Variants in ROBO2 observed in about 807,000 individuals in gnomAD.
ROBO2 encodes the protein roundabout guidance receptor 2.
ROBO2 carries 53 observed loss-of-function variants against 160.8 expected under a neutral mutation model. The observed-to-expected ratio is 0.33, with a 90% CI of 0.26 to 0.41. The LOEUF (loss-of-function observed/expected upper bound fraction) is 0.41, where lower values mean the gene tolerates loss of function less well. ROBO2 is among the 10% of genes least tolerant of loss of function. The pLI is 1.00. For missense variants in ROBO2, 1,577 were observed against 1,722.4 expected (o/e 0.92, Z 1.49); for synonymous variants, 664 against 611.7 (o/e 1.09, Z -1.26).
intron 2 of ROBO2, among the ~76,000 whole-genome samples, chr3:76,496,059 C>G (rs912560860): frequency 6.6e-6 from 1 of 152,188 alleles, no homozygotes; most frequent in Middle Eastern, 3.2e-3. Flanking sequence ...CATGACTGAG[C>G]AAACTCCTTT....
At chr3:75,981,615 AT>A (rs2065277406) in intron 2 of ROBO2, among the ~76,000 whole-genome samples, 1 of 150,882 alleles carries the variant, frequency 6.6e-6, no homozygotes, top group Non-Finnish European at 1.5e-5. Flanking sequence ...ATTGTTTTTT[AT>A]TTTTATTATT....
chr3:76,089,789 A>G (rs1278986749), intron 2 of ROBO2, among the ~76,000 whole-genome samples: 2 of 152,144 alleles, frequency 1.3e-5, no homozygotes, highest in Non-Finnish European at 2.9e-5. Flanking sequence ...AGAAGATTCA[A>G]TTCACCACTC....
intron 2 of ROBO2, among the ~76,000 whole-genome samples, chr3:76,551,203 G>A (rs1160922249): frequency 1.3e-5 from 2 of 152,070 alleles, no homozygotes; most frequent in Admixed American, 1.3e-4. Flanking sequence ...CACAGAAGTT[G>A]GGACTACCAG....
intron 2 of ROBO2, among the ~76,000 whole-genome samples, chr3:76,918,192 G>A (rs990730525): frequency 1.3e-5 from 2 of 152,216 alleles, no homozygotes; most frequent in Admixed American, 6.5e-5. Flanking sequence ...CATGTATCAA[G>A]GGTGGGACCA....
At chr3:76,574,657 T>C (rs192677592) in intron 2 of ROBO2, among the ~76,000 whole-genome samples, 48 of 152,254 alleles carry the variant, frequency 3.2e-4, no homozygotes, top group African/African-American at 1.1e-3. Context: ...ACATTATGAA[T>C]GTGAGCTAGG....
chr3:77,218,376 C>T (rs1580101489), intron 2 of ROBO2, among the ~76,000 whole-genome samples: 1 of 140,256 alleles, frequency 7.1e-6, no homozygotes, highest in South Asian at 2.3e-4. Flanking sequence ...TGAAATTATA[C>T]TTTTTTTTTT....
chr3:76,122,012 A>G (rs1172294045), intron 2 of ROBO2, among the ~76,000 whole-genome samples: 1 of 152,212 alleles, frequency 6.6e-6, no homozygotes, highest in African/African-American at 2.4e-5. Flanking sequence ...TACCCCATAC[A>G]GTTGACATGA....
At chr3:77,470,943 G>A (rs1308095529) in intron 2 of ROBO2, among the ~76,000 whole-genome samples, 1 of 152,146 alleles carries the variant, frequency 6.6e-6, no homozygotes, top group Non-Finnish European at 1.5e-5. Flanking sequence ...GTCTCCTGCG[G>A]TTTTCAACTG....
intron 2 of ROBO2, among the ~76,000 whole-genome samples, chr3:76,610,863 T>C (rs574924427): frequency 6.6e-6 from 1 of 152,332 alleles, no homozygotes; most frequent in South Asian, 2.1e-4. Flanking sequence ...TGCGCGCCAC[T>C]GGGCAGGTTC....
intron 2 of ROBO2, among the ~76,000 whole-genome samples, chr3:76,984,919 T>A (rs1314805812): frequency 6.6e-6 from 1 of 152,126 alleles, no homozygotes; most frequent in Non-Finnish European, 1.5e-5. Flanking sequence ...TGAAAGTATT[T>A]TACAGCAATA....
chr3:76,626,737 G>T (rs1254415178), intron 2 of ROBO2, among the ~76,000 whole-genome samples: 1 of 151,728 alleles, frequency 6.6e-6, no homozygotes, highest in Non-Finnish European at 1.5e-5. Context: ...CTGTCGCCCA[G>T]GCTGGAGTGC....
At chr3:76,527,379 A>T (rs1265062757) in intron 2 of ROBO2, among the ~76,000 whole-genome samples, 1 of 152,156 alleles carries the variant, frequency 6.6e-6, no homozygotes, top group African/African-American at 2.4e-5. Context: ...GGCCATTGAC[A>T]TTTTTCAAGT....
intron 2 of ROBO2, among the ~76,000 whole-genome samples, chr3:76,050,770 C>T (rs1203031938): frequency 1.3e-5 from 2 of 152,182 alleles, no homozygotes; most frequent in Admixed American, 1.3e-4. Flanking sequence ...TTCCCTCCTA[C>T]AGCTGATTCC....
rs148753676 is a variant in ROBO2, at chr3:76,716,068, G to A, written c.110-381946G>A. 9.6e-3 allele frequency among the ~76,000 whole-genome samples: 1,427 copies of A among 149,298 alleles called. 28 individuals are homozygous for A. Among genetic ancestry groups the A allele is most frequent in the African/African-American group, 0.033 (1,351 of 40,892 alleles). ...CTACTTTGTAAATAATACTAAAATG[G>A]CCAAATTTGTAAGACTTAAGTTATG... On this transcript the variant is annotated intron_variant, in intron 2 of 26. Coordinates refer to the ROBO2 transcript ENST00000487694.
chr3:77,228,739 TA>T (rs151324082), intron 2 of ROBO2, among the ~76,000 whole-genome samples: 4,411 of 146,810 alleles, frequency 0.03, 70 homozygotes, highest in Middle Eastern at 0.056. Flanking sequence ...AGTATAATAA[TA>T]AAAAAAAAAC....
At chr3:76,948,875 TA>T (rs1364844766) in intron 2 of ROBO2, among the ~76,000 whole-genome samples, 2,843 of 45,836 alleles carry the variant, frequency 0.062, 148 homozygotes, top group African/African-American at 0.11. Flanking sequence ...CGGCTAATTT[TA>T]TATATATATA....
chr3:76,319,435 A>T (rs2072324817), intron 2 of ROBO2, among the ~76,000 whole-genome samples: 1 of 150,926 alleles, frequency 6.6e-6, no homozygotes, highest in South Asian at 2.1e-4. Context: ...TATAATTCTT[A>T]AGCCTTTTTT....
chr3:77,600,783 G>T (rs539383514), intron 19 of ROBO2, among the ~76,000 whole-genome samples: 2 of 152,128 alleles, frequency 1.3e-5, no homozygotes, highest in Non-Finnish European at 2.9e-5. Context: ...ACTTGAGAAT[G>T]CAGTATGCTT....
intron 2 of ROBO2, among the ~76,000 whole-genome samples, chr3:76,981,307 A>C (rs2060084970): frequency 6.6e-6 from 1 of 152,218 alleles, no homozygotes; most frequent in South Asian, 2.1e-4. Context: ...AGCTATCAGC[A>C]ATCAGCATTG....
Sources: allele counts gnomAD v4.1 joint callset (sites outside exome capture counted in the v4.1 genomes callset), GRCh38; gene constraint gnomAD v4.1.1; transcripts MANE v1.5; gene names NCBI Gene and HGNC (gene_info 2026-07-23, HGNC 2026-07-21).